Variants in HERC1 observed in about 807,000 individuals in gnomAD.
HERC1 encodes the protein probable E3 ubiquitin-protein ligase HERC1.
HERC1 carries 160 observed loss-of-function variants against 554.3 expected under a neutral mutation model. That is an observed-to-expected ratio of 0.29 (90% CI 0.25 to 0.33). The LOEUF (loss-of-function observed/expected upper bound fraction) is 0.33, where lower values mean the gene tolerates loss of function less well. Among genes scored for constraint, HERC1 ranks in the 10% least tolerant of loss-of-function variants. The pLI, the probability that HERC1 is intolerant of heterozygous loss-of-function variation, is 1.00. For missense variants in HERC1, 4,919 were observed against 5,918.5 expected, an observed-to-expected ratio of 0.83 and a Z score of 5.54; for synonymous variants, 2,175 against 2,131.7, an observed-to-expected ratio of 1.02 and a Z score of -0.56.
chr15:63,767,161 T>C (rs142098478), intron 2 of HERC1, among the ~76,000 whole-genome samples: 6,601 of 151,838 alleles, frequency 0.043, 266 homozygotes, highest in African/African-American at 0.11. Flanking sequence ...CCACCATGCT[T>C]AGCTAATTTT....
intron 1 of HERC1, among the ~76,000 whole-genome samples, chr15:63,788,874 C>CA (rs1161447448): frequency 0.18 from 11,890 of 66,960 alleles, 820 homozygotes; most frequent in African/African-American, 0.25. Flanking sequence ...GACTCCGTCT[C>CA]AAAAAAAAAA....
chr15:63,637,105 A>G (rs755548427), intron 64 of HERC1: 2 of 456,564 alleles, frequency 4.4e-6, no homozygotes, highest in South Asian at 1.5e-5. Context: ...CCAAGTCACA[A>G]AGAACTCTGA....
intron 26 of HERC1, among the ~76,000 whole-genome samples, chr15:63,697,812 A>G (rs1405259303): frequency 6.6e-6 from 1 of 152,058 alleles, no homozygotes; most frequent in African/African-American, 2.4e-5. Context: ...TGAAGTTACA[A>G]TTTTATCTCC....
intron 50 of HERC1, among the ~76,000 whole-genome samples, chr15:63,654,652 A>G (rs2069910654): frequency 1.3e-5 from 2 of 151,860 alleles, no homozygotes; most frequent in Non-Finnish European, 2.9e-5. Flanking sequence ...CAGGAGTTCG[A>G]GACCAGCCTG....
At chr15:63,825,198 G>A in intron 1 of HERC1, among the ~76,000 whole-genome samples, 1 of 152,012 alleles carries the variant, frequency 6.6e-6, no homozygotes, top group East Asian at 1.9e-4. Context: ...CTACTCCAAT[G>A]GCTAAGGCAT....
At chr15:63,684,145 TTA>T (rs1302239260) in intron 34 of HERC1, among the ~76,000 whole-genome samples, 1 of 152,188 alleles carries the variant, frequency 6.6e-6, no homozygotes, top group Non-Finnish European at 1.5e-5. Context: ...CAAACACTCT[TTA>T]AGAGATTGTA....
chr15:63,802,968 G>A (rs899194700), intron 1 of HERC1, among the ~76,000 whole-genome samples: 9 of 152,080 alleles, frequency 5.9e-5, no homozygotes, highest in African/African-American at 1.7e-4. Flanking sequence ...CCAACACTTC[G>A]GGAGGCCAAG....
At chr15:63,669,246 G>A (rs1373487286) in intron 40 of HERC1, among the ~76,000 whole-genome samples, 1 of 152,178 alleles carries the variant, frequency 6.6e-6, no homozygotes. Context: ...AAATGTGTGG[G>A]TTGCAGCTAA....
Position 63,615,857 on chromosome 15 carries a change from C to T in HERC1, c.14005G>A (p.Gly4669Ser), listed in dbSNP as rs2067792088. The change falls in exon 76 of 78, where the codon GGT (glycine) becomes AGT (serine). Residue 4669 changes from glycine to serine, a missense_variant. Coordinates refer to ENST00000443617, the MANE Select transcript of HERC1 (RefSeq NM_003922.4). ...AATGTGAGTGGGATACTATTTCCAC[C>T]AGGGATTATAGGAACCATTTTGCCA... is the stretch of plus-strand genomic sequence containing the variant. ...ADGKMVPIIPGGNSIPLTFSN... is the reference protein window; with the variant it reads ...ADGKMVPIIPSGNSIPLTFSN... 1 of 1,606,854 alleles carries T rather than the reference C, an allele frequency of 6.2e-7. No individual in the cohort carries two copies. Among genetic ancestry groups the T allele is most frequent in the African/African-American group, 1.3e-5 (1 of 74,554 alleles).
In HERC1 at chr15:63,643,180, C is replaced by T. The variant is rs540974181; in HGVS notation, c.11332-122G>A. 48 of 845,162 alleles carry T rather than the reference C, an allele frequency of 5.7e-5. No individual in the cohort carries two copies. In the East Asian group the frequency reaches 8.8e-4, roughly 15 times the overall value. 52.4% of individuals were successfully genotyped at this position (845,162 alleles called of 1,614,324 possible). A position where few individuals can be genotyped will look rare whatever the true frequency, so the allele number is the denominator to read the frequency against. ...TCTACATTTTAGCTAAATTCAGCAA[C>T]GTCCAATCACATACCTACTACAAAA... On this transcript the variant is annotated intron_variant, in intron 58 of 77. Transcript: ENST00000443617.
intron 38 of HERC1, among the ~76,000 whole-genome samples, chr15:63,673,750 A>G (rs7177897): frequency 0.81 from 123,974 of 152,286 alleles, 52,337 homozygotes; most frequent in Non-Finnish European, 0.88. Flanking sequence ...TTTGAGACAG[A>G]GTCTCGCTCA....
At chr15:63,638,373 TC>T in intron 63 of HERC1, 37 bp downstream of exon 63, 1 of 1,595,280 alleles carries the variant, frequency 6.3e-7, no homozygotes, top group Non-Finnish European at 8.6e-7. Flanking sequence ...AATTTTCAGT[TC>T]CCATGTTTCT....
intron 57 of HERC1, 120 bp from the exon 58 acceptor site, chr15:63,643,670 T>C (rs889232407): frequency 9.2e-6 from 6 of 653,240 alleles, no homozygotes; most frequent in African/African-American, 9.2e-5. Context: ...GGAGAGATAA[T>C]TTCTCTCATA....
At chr15:63,637,898 A>G (rs543779296) in intron 63 of HERC1, among the ~76,000 whole-genome samples, 8 of 152,308 alleles carry the variant, frequency 5.3e-5, no homozygotes, top group Middle Eastern at 3.4e-3. Context: ...AAGAAAAAGG[A>G]AGGGGTGATG....
intron 12 of HERC1, among the ~76,000 whole-genome samples, chr15:63,735,116 G>A (rs1211145338): frequency 1.3e-5 from 2 of 152,180 alleles, no homozygotes; most frequent in Non-Finnish European, 2.9e-5. Context: ...TCTGCGCAAA[G>A]TGATTTGGGT....
chr15:63,827,108 T>A (rs565371356), intron 1 of HERC1, among the ~76,000 whole-genome samples: 1 of 152,060 alleles, frequency 6.6e-6, no homozygotes, highest in Non-Finnish European at 1.5e-5. Context: ...TTAAGAAACA[T>A]CTACACAGTC....
At position 63,698,857 on chromosome 15, in the gene HERC1, A is replaced by T; in HGVS notation, c.4776T>A (p.Ile1592=). Residue 1592 remains isoleucine, a synonymous_variant, in exon 26 of 78, where the codon ATT becomes ATA. Coordinates refer to ENST00000443617, the MANE Select transcript of HERC1 (RefSeq NM_003922.4). ...CACTCACAAAGCTTACAACATTTTC[A>T]ATCAAAGTGTGAACTCCCAAAGACT... ...LTKSLGVHTL[I]ENVVSFVSGD... The T allele has an allele frequency of 6.2e-7, 1 of 1,613,980 alleles. No homozygotes were observed.
intron 8 of HERC1, among the ~76,000 whole-genome samples, chr15:63,751,623 G>C (rs1477497848): frequency 2.0e-5 from 3 of 152,144 alleles, no homozygotes; most frequent in African/African-American, 7.2e-5. Context: ...TGAAAGTGCT[G>C]AGACAGACTG....
intron 1 of HERC1, among the ~76,000 whole-genome samples, chr15:63,806,793 A>G (rs2077153102): frequency 6.6e-6 from 1 of 152,206 alleles, no homozygotes; most frequent in African/African-American, 2.4e-5. Context: ...CCACTCCGAG[A>G]CAGTCTTGCT....
Sources: gnomAD v4.1 joint callset for allele counts (sites outside exome capture counted in the v4.1 genomes callset) on GRCh38, gnomAD v4.1.1 for gene constraint, MANE v1.5 for transcripts, NCBI Gene and HGNC (gene_info 2026-07-23, HGNC 2026-07-21) for gene names.